Variants in AHDC1 observed in about 807,000 individuals in gnomAD.
AHDC1 encodes the protein transcription factor Gibbin.
A neutral mutation model predicts 87.9 loss-of-function variants in AHDC1; 7 were observed. The observed-to-expected ratio is 0.08, with a 90% confidence interval of 0.05 to 0.15. AHDC1 has a LOEUF of 0.15. Among genes scored for constraint, AHDC1 ranks in the 10% least tolerant of loss-of-function variants. AHDC1 has a pLI of 1.00. For synonymous variants in AHDC1, 1,051 were observed against 1,006.8 expected (o/e 1.04, Z -0.83); for missense variants, 1,841 against 2,253.2 (o/e 0.82, Z 3.70).
In AHDC1 at chr1:27,537,419, G is replaced by A. The variant is rs538531107; in HGVS notation, c.*44-2503C>T. ...TCCTGGGGAGGCAGCTAACCTGGTCGTGGCAGGAGAGACTGTGGCTCTTCA... is the reference window on the plus strand; with the variant it reads ...TCCTGGGGAGGCAGCTAACCTGGTCATGGCAGGAGAGACTGTGGCTCTTCA... On this transcript the variant is annotated intron_variant, in intron 8 of 8. Transcript: ENST00000673934. Among the ~76,000 whole-genome samples, 13 of 152,324 alleles carry A rather than the reference G, an allele frequency of 8.5e-5. No individual in the cohort carries two copies. In the East Asian group the frequency reaches 1.2e-3, roughly 14 times the overall value.
At chr1:27,572,557 T>C (rs1044557561) in intron 3 of AHDC1, among the ~76,000 whole-genome samples, 4 of 152,186 alleles carry the variant, frequency 2.6e-5, no homozygotes, top group Non-Finnish European at 5.9e-5. Flanking sequence ...TCAGAGGCCC[T>C]GACAACACCC....
intron 8 of AHDC1, among the ~76,000 whole-genome samples, chr1:27,542,542 G>A (rs1557650391): frequency 6.6e-6 from 1 of 152,228 alleles, no homozygotes; most frequent in African/African-American, 2.4e-5. Flanking sequence ...CGCTGACTAC[G>A]TGCTCACTGT....
chr1:27,549,035 G>A lies in AHDC1; in HGVS notation c.3081C>T (p.Gly1027=), dbSNP rs771378216. 16 of 1,574,464 alleles carry A rather than the reference G, an allele frequency of 1.0e-5. No homozygotes were observed. Among genetic ancestry groups the A allele is most frequent in the Non-Finnish European group, 2.6e-6 (3 of 1,159,706 alleles). The part of the protein sequence containing the change: ...SAGYAPPPTG[G]PCLPPSKASF... ...AGGCCTTGCTTGGTGGCAGGCAGGGGCCCCCGGTAGGCGGTGGGGCATAGC... is the reference window on the plus strand; with the variant it reads ...AGGCCTTGCTTGGTGGCAGGCAGGGACCCCCGGTAGGCGGTGGGGCATAGC... Residue 1027 remains glycine, a synonymous_variant, in exon 8 of 9, where the codon GGC becomes GGT. Coordinates refer to ENST00000673934, the MANE Select transcript of AHDC1 (RefSeq NM_001371928.1).
In AHDC1 at chr1:27,547,159, G is replaced by C; in HGVS notation, c.*43+102C>G. 1.2e-6 allele frequency: 1 copy of C among 805,980 alleles called. No homozygotes were observed. Among genetic ancestry groups the C allele is most frequent in the Non-Finnish European group, 1.9e-6 (1 of 533,632 alleles). 49.9% of individuals were successfully genotyped at this position (805,980 alleles called of 1,614,324 possible). A position where few individuals can be genotyped will look rare whatever the true frequency, so the allele number is the denominator to read the frequency against. ...GTCCCCAGCCTTGCCCTTAAATCCTGCATTTGCTTCCTGCACTCCATACCT... is the reference window on the plus strand; with the variant it reads ...GTCCCCAGCCTTGCCCTTAAATCCTCCATTTGCTTCCTGCACTCCATACCT... On this transcript the variant is annotated intron_variant, in intron 8 of 8. Transcript: ENST00000673934. The surrounding 1 kb of genome is among the most constrained non-coding windows in gnomAD (Gnocchi z 4.9).
At chr1:27,572,801 C>T (rs1044058292) in intron 3 of AHDC1, among the ~76,000 whole-genome samples, 1 of 152,248 alleles carries the variant, frequency 6.6e-6, no homozygotes, top group Non-Finnish European at 1.5e-5. Context: ...TGCCAGCCTC[C>T]TTGTCCTGCA....
At position 27,551,999 on chromosome 1, in the gene AHDC1, A is replaced by G; in HGVS notation, c.117T>C (p.Leu39=). 1.6e-6 allele frequency: 1 copy of G among 623,324 alleles called. No individual in the cohort carries two copies. The allele number at this position is 623,324 out of a possible 1,614,324, so 38.6% of individuals were successfully genotyped here. Reference sequence around the variant, plus strand: ...GTGGGCTGGCAGGGGGCCGGGTGGGAAGCAGGGGCCGGGGGGTGGGGGGGC... The same window carrying G: ...GTGGGCTGGCAGGGGGCCGGGTGGGGAGCAGGGGCCGGGGGGTGGGGGGGC... The part of the protein sequence containing the change: ...PGGPPTPRPL[L]PTRPPASPPD... Residue 39 remains leucine, a synonymous_variant, in exon 8 of 9, where the codon CTT becomes CTC. Coordinates refer to ENST00000673934, the MANE Select transcript of AHDC1 (RefSeq NM_001371928.1).
chr1:27,549,799 C>G lies in AHDC1; in HGVS notation c.2317G>C (p.Gly773Arg). Residue 773 changes from glycine (G) to arginine (R), a missense_variant, in exon 8 of 9, where the codon GGT becomes CGT. Coordinates refer to ENST00000673934, the MANE Select transcript of AHDC1 (RefSeq NM_001371928.1). ...CCATGGTGAGGGGCCCAGCCACCAC[C>G]CTTATCCCCGGCCCACTCAGCACCT... is the stretch of plus-strand genomic sequence containing the variant. ...EAGAEWAGDK[G>R]GGWAPHHGHP... is the part of the protein sequence containing the mutation. The G allele has an allele frequency of 6.2e-7, 1 of 1,613,612 alleles. No individual in the cohort carries two copies. The highest frequency in any genetic ancestry group is 8.5e-7 in the Non-Finnish European group (1 of 1,179,970).
Position 27,548,641 on chromosome 1 carries a change from C to A in AHDC1, c.3475G>T (p.Val1159Leu). The stretch of plus-strand genomic sequence containing the variant: ...GATGACTCAGAGAAGGTCTCCGACA[C>A]AGCCGTCTGCTGCTTCACCTTCTGC... ...TPQKVKQQTA[V>L]SETFSESSSD... is the part of the protein sequence containing the mutation. The change falls in exon 8 of 9, where the codon GTG becomes TTG. Residue 1159 changes from valine to leucine, a missense_variant. This residue lies in a region of AHDC1 where 505 missense variants were observed against 626.2 expected (regional missense o/e 0.81). Coordinates refer to ENST00000673934, the MANE Select transcript of AHDC1 (RefSeq NM_001371928.1). 2 of 1,613,462 alleles carry A rather than the reference C, an allele frequency of 1.2e-6. No homozygotes were observed. Among genetic ancestry groups the A allele is most frequent in the Non-Finnish European group, 1.7e-6 (2 of 1,180,044 alleles).
At chr1:27,599,693 G>A (rs1047650345) in intron 3 of AHDC1, among the ~76,000 whole-genome samples, 1 of 152,152 alleles carries the variant, frequency 6.6e-6, no homozygotes, top group African/African-American at 2.4e-5. Flanking sequence ...TTTATAACCT[G>A]GGTGTCTTTT....
intron 3 of AHDC1, among the ~76,000 whole-genome samples, chr1:27,597,315 G>A (rs910513030): frequency 2.0e-5 from 3 of 151,868 alleles, no homozygotes; most frequent in Non-Finnish European, 4.4e-5. Flanking sequence ...TGTGAGGGTG[G>A]AGATTTACAT....
At chr1:27,597,366 A>AGT (rs1172789334) in intron 3 of AHDC1, among the ~76,000 whole-genome samples, 86 of 146,838 alleles carry the variant, frequency 5.9e-4, no homozygotes, top group African/African-American at 1.5e-3. Context: ...ACAGTGTGAG[A>AGT]GTGTGTGTGT....
rs2089610899 is a variant in AHDC1 at position 27,603,822 on chromosome 1, GTC to G, written c.-823_-822del. 6.6e-6 allele frequency: 1 copy of G among 151,974 alleles called. No individual in the cohort carries two copies. The highest frequency in any genetic ancestry group is 2.4e-5 in the African/African-American group (1 of 41,188). The allele number at this position is 151,974 out of a possible 1,614,324, so 9.4% of individuals were successfully genotyped here. A position where few individuals can be genotyped will look rare whatever the true frequency, so the allele number is the denominator to read the frequency against. ...TGGCTGTCTGTCTGTCTCTCAGACT[GTC>G]TCTATTTCTCGCTCTCTCTGCCTTT... On this transcript the variant is annotated 5_prime_UTR_variant, in exon 2 of 9. Transcript: ENST00000673934.
At chr1:27,588,075 T>C (rs941548248) in intron 3 of AHDC1, among the ~76,000 whole-genome samples, 1 of 152,206 alleles carries the variant, frequency 6.6e-6, no homozygotes, top group African/African-American at 2.4e-5. Context: ...CCCCAGAGCA[T>C]GGCATCTGCA....
upstream of AHDC1, chr1:27,604,226 C>A (rs1209305444): frequency 6.6e-6 from 1 of 151,150 alleles, no homozygotes; most frequent in African/African-American, 2.4e-5. Context: ...CTTGTAGTCC[C>A]CGCCCCGGCC....
At chr1:27,599,605 C>T (rs1047133725) in intron 3 of AHDC1, among the ~76,000 whole-genome samples, 2 of 152,234 alleles carry the variant, frequency 1.3e-5, no homozygotes, top group Non-Finnish European at 2.9e-5. Context: ...CTAGACTTGG[C>T]TTTCTCTCGT....
At chr1:27,567,409 T>G (rs1328994789) in intron 3 of AHDC1, among the ~76,000 whole-genome samples, 16 of 152,170 alleles carry the variant, frequency 1.1e-4, no homozygotes, top group Admixed American at 1.0e-3. Flanking sequence ...GGCTGAGGTC[T>G]GCATCGGCTC....
Position 27,590,296 on chromosome 1 carries a change from G to A in AHDC1, c.-629+13101C>T, listed in dbSNP as rs1397806296. On this transcript the variant is annotated intron_variant, in intron 3 of 8. Coordinates refer to ENST00000673934, the MANE Select transcript of AHDC1 (RefSeq NM_001371928.1). This position sits in a 1 kb window ranked among gnomAD's most constrained non-coding sequence, Gnocchi z 5.4. ...CAGCGAGTTCCCTGGGGAGCTGGGC[G>A]GGGAGGCCCACAACTCCAACCTACT... 7.9e-5 allele frequency among the ~76,000 whole-genome samples: 12 copies of A among 152,166 alleles called. No individual in the cohort carries two copies. Among genetic ancestry groups the A allele is most frequent in the Admixed American group, 5.9e-4 (9 of 15,280 alleles).
chr1:27,602,317 C>T (rs2148510010), intron 3 of AHDC1, among the ~76,000 whole-genome samples: 1 of 152,264 alleles, frequency 6.6e-6, no homozygotes, highest in Non-Finnish European at 1.5e-5. Context: ...AGGGACAGCC[C>T]CAGCTCCCGC....
intron 3 of AHDC1, among the ~76,000 whole-genome samples, chr1:27,597,274 C>T (rs1401718127): frequency 6.6e-6 from 1 of 152,112 alleles, no homozygotes; most frequent in Non-Finnish European, 1.5e-5. Flanking sequence ...GGTGCGTGTT[C>T]ACCAGCTATG....
Sources: allele counts gnomAD v4.1 joint callset (sites outside exome capture counted in the v4.1 genomes callset), GRCh38; gene constraint gnomAD v4.1.1; regional missense constraint gnomAD v4.1.1; non-coding constraint Gnocchi (gnomAD v3.1); transcripts MANE v1.5; gene names NCBI Gene and HGNC (gene_info 2026-07-23, HGNC 2026-07-21).